The following PTPRM variants were observed in gnomAD, a reference collection of about 807,000 sequenced individuals.
PTPRM encodes protein tyrosine phosphatase receptor type M.
Under a neutral mutation model 186.7 loss-of-function variants are expected in PTPRM, and 47 were observed. That is an observed-to-expected ratio of 0.25 (90% CI 0.20 to 0.32). The LOEUF (loss-of-function observed/expected upper bound fraction) is 0.32. Among genes scored for constraint, PTPRM ranks in the 10% least tolerant of loss-of-function variants. The probability of loss-of-function intolerance (pLI) is 1.00; values close to 1 mark genes in which losing one functional copy is unlikely to be tolerated. For missense variants in PTPRM, 1,494 were observed against 1,865.0 expected (o/e 0.80, Z 3.66); for synonymous variants, 668 against 674.9 (o/e 0.99, Z 0.16).
At chr18:8,099,399 G>A (rs1423509730) in intron 11 of PTPRM, among the ~76,000 whole-genome samples, 4 of 152,168 alleles carry the variant, frequency 2.6e-5, no homozygotes, top group Non-Finnish European at 5.9e-5. Flanking sequence ...CTGGTTCTAT[G>A]CCAGACACAG....
intron 2 of PTPRM, among the ~76,000 whole-genome samples, chr18:7,854,554 A>C (rs1203781578): frequency 6.6e-6 from 1 of 152,156 alleles, no homozygotes; most frequent in Non-Finnish European, 1.5e-5. Context: ...TGCAGGTAGC[A>C]GAACAGAAAT....
intron 14 of PTPRM, among the ~76,000 whole-genome samples, chr18:8,236,027 G>A (rs926896957): frequency 1.6e-4 from 25 of 152,160 alleles, no homozygotes; most frequent in African/African-American, 5.8e-4. Context: ...CTGTGAACTT[G>A]AATATAATGT....
In PTPRM at chr18:8,060,943, G is replaced by A. The variant is rs1169025608; in HGVS notation, c.1133-8743G>A. Among the ~76,000 whole-genome samples, 46 of 55,092 alleles carry A rather than the reference G, an allele frequency of 8.3e-4. 12 individuals carry two copies. Among genetic ancestry groups the A allele is most frequent in the Admixed American group, 2.7e-3 (14 of 5,126 alleles). 36.1% of individuals were successfully genotyped at this position (55,092 alleles called of 152,430 possible). ...AAAACGTATATTCTGTTGATTTGGGGTGGAGAGTTCTGTAGATGTCTATTA... is the reference window on the plus strand; with the variant it reads ...AAAACGTATATTCTGTTGATTTGGGATGGAGAGTTCTGTAGATGTCTATTA... On this transcript the variant is annotated intron_variant, in intron 7 of 32. Coordinates refer to ENST00000580170, the MANE Select transcript of PTPRM (RefSeq NM_001105244.2).
chr18:7,675,738 AT>A (rs112150765), intron 1 of PTPRM, among the ~76,000 whole-genome samples: 376 of 141,662 alleles, frequency 2.7e-3, no homozygotes, highest in Middle Eastern at 3.6e-3. Flanking sequence ...TTCATTCAGC[AT>A]TTTTTTTTTT....
Position 8,076,580 on chromosome 18 carries a change from G to C in PTPRM, c.1551+16G>C, listed in dbSNP as rs751856524. 2 of 1,334,700 alleles carry C rather than the reference G, an allele frequency of 1.5e-6. No homozygotes were observed. Among genetic ancestry groups the C allele is most frequent in the East Asian group, 2.4e-5 (1 of 42,318 alleles). 82.7% of individuals were successfully genotyped at this position (1,334,700 alleles called of 1,614,324 possible). ...TTTATATGAGGTAATATATATGTTT[G>C]TTAGTAATTTTTAATTAGAAATACT... is the stretch of plus-strand genomic sequence containing the variant. On this transcript the variant is annotated intron_variant, in intron 9 of 32. Transcript: ENST00000580170.
intron 2 of PTPRM, among the ~76,000 whole-genome samples, chr18:7,804,373 C>A (rs1480624636): frequency 6.6e-6 from 1 of 152,000 alleles, no homozygotes; most frequent in South Asian, 2.1e-4. Context: ...TTGGGCAGGC[C>A]GGAGTTAATA....
At chr18:8,139,556 C>A in intron 13 of PTPRM, among the ~76,000 whole-genome samples, 1 of 152,190 alleles carries the variant, frequency 6.6e-6, no homozygotes, top group Non-Finnish European at 1.5e-5. Context: ...CAGAGAGAGT[C>A]CTTCCAGCTA....
intron 14 of PTPRM, among the ~76,000 whole-genome samples, chr18:8,149,323 A>G (rs141463938): frequency 1.7e-3 from 254 of 152,290 alleles, no homozygotes; most frequent in Middle Eastern, 6.8e-3. Context: ...TGCTTTATGA[A>G]TCTGGGTGCT....
At chr18:8,235,328 T>C (rs1349168494) in intron 14 of PTPRM, among the ~76,000 whole-genome samples, 1 of 152,136 alleles carries the variant, frequency 6.6e-6, no homozygotes, top group African/African-American at 2.4e-5. Flanking sequence ...GGAACTGGTC[T>C]ATTTCAACCA....
chr18:7,885,229 A>G (rs1244528265), intron 2 of PTPRM, among the ~76,000 whole-genome samples: 1 of 152,120 alleles, frequency 6.6e-6, no homozygotes, highest in Non-Finnish European at 1.5e-5. Flanking sequence ...ACGTAAAAAT[A>G]TCATCTGAGG....
intron 1 of PTPRM, among the ~76,000 whole-genome samples, chr18:7,648,137 T>A (rs2038608618): frequency 6.6e-6 from 1 of 152,194 alleles, no homozygotes. Flanking sequence ...GTATTGTATC[T>A]GTTACGGTGA....
At chr18:8,082,291 C>T (rs768947493) in intron 9 of PTPRM, among the ~76,000 whole-genome samples, 1 of 152,158 alleles carries the variant, frequency 6.6e-6, no homozygotes, top group Non-Finnish European at 1.5e-5. Flanking sequence ...AGAGATTTCA[C>T]AGTACTCCAA....
At chr18:8,338,372 T>TAAA (rs5823000) in intron 22 of PTPRM, among the ~76,000 whole-genome samples, 65,899 of 147,956 alleles carry the variant, frequency 0.45, 14,780 homozygotes, top group Middle Eastern at 0.55. Flanking sequence ...TTGTAATGCT[T>TAAA]AAAAAAAAAA....
At chr18:7,787,482 T>C (rs2043146610) in intron 2 of PTPRM, among the ~76,000 whole-genome samples, 1 of 152,206 alleles carries the variant, frequency 6.6e-6, no homozygotes, top group Admixed American at 6.5e-5. Flanking sequence ...AAGTGACATG[T>C]GCTATTTTCA....
chr18:8,077,944 C>G (rs1399698632), intron 9 of PTPRM, among the ~76,000 whole-genome samples: 1 of 152,164 alleles, frequency 6.6e-6, no homozygotes, highest in African/African-American at 2.4e-5. Flanking sequence ...CCATTAGTCT[C>G]TCTGATTCTG....
intron 5 of PTPRM, among the ~76,000 whole-genome samples, chr18:7,935,807 C>T (rs955994610): frequency 2.6e-5 from 4 of 152,138 alleles, no homozygotes; most frequent in South Asian, 4.2e-4. Flanking sequence ...TTTTTTGACC[C>T]TCACCTTCCT....
intron 1 of PTPRM, among the ~76,000 whole-genome samples, chr18:7,755,878 A>G (rs1346771281): frequency 1.3e-5 from 2 of 152,206 alleles, no homozygotes; most frequent in East Asian, 3.9e-4. Flanking sequence ...TACAGTTTTC[A>G]ACACAAAACT....
chr18:8,052,392 A>G (rs910160662), intron 7 of PTPRM, among the ~76,000 whole-genome samples: 5 of 152,068 alleles, frequency 3.3e-5, no homozygotes, highest in Admixed American at 2.6e-4. Flanking sequence ...CCATGTTTTC[A>G]CTGTACCGTT....
intron 13 of PTPRM, among the ~76,000 whole-genome samples, chr18:8,124,656 G>T (rs113284160): frequency 0.015 from 2,258 of 152,214 alleles, 59 homozygotes; most frequent in African/African-American, 0.052. Context: ...TATAACTGAT[G>T]GGAACCAAAG....
Sources: gnomAD v4.1 joint callset for allele counts (sites outside exome capture counted in the v4.1 genomes callset) on GRCh38, gnomAD v4.1.1 for gene constraint, MANE v1.5 for transcripts, NCBI Gene and HGNC (gene_info 2026-07-23, HGNC 2026-07-21) for gene names.